CNTNAP4: variants seen among roughly 807,000 people sequenced by gnomAD.
CNTNAP4 encodes contactin associated protein family member 4.
Under a neutral mutation model 148.4 loss-of-function variants are expected in CNTNAP4, and 98 were observed. The ratio of observed to expected loss-of-function variants is 0.66; its 90% CI spans 0.56 to 0.78. The LOEUF (loss-of-function observed/expected upper bound fraction) is 0.78, where lower values mean the gene tolerates loss of function less well. CNTNAP4 is among the 30% of genes least tolerant of loss of function. The pLI, the probability that CNTNAP4 is intolerant of heterozygous loss-of-function variation, is 0.00. For synonymous variants in CNTNAP4, 730 were observed against 565.1 expected, an observed-to-expected ratio of 1.29 and a Z score of -4.14; for missense variants, 1,935 against 1,565.6, an observed-to-expected ratio of 1.24 and a Z score of -3.98.
chr16:76,445,215 T>G (rs1442042727), intron 4 of CNTNAP4, among the ~76,000 whole-genome samples: 1 of 152,184 alleles, frequency 6.6e-6, no homozygotes, highest in Non-Finnish European at 1.5e-5. Context: ...TTTCTAGACC[T>G]GAGAACTGAG....
At chr16:76,501,331 A>G (rs1473285509) in intron 15 of CNTNAP4, among the ~76,000 whole-genome samples, 2 of 152,230 alleles carry the variant, frequency 1.3e-5, no homozygotes, top group Middle Eastern at 3.4e-3. Flanking sequence ...TCTTGCTCTG[A>G]TCTTAACCCT....
intron 2 of CNTNAP4, among the ~76,000 whole-genome samples, chr16:76,337,484 T>C (rs1964115929): frequency 3.9e-5 from 6 of 152,074 alleles, no homozygotes; most frequent in African/African-American, 1.4e-4. Flanking sequence ...GGTGTACGAA[T>C]AGGGAGTAGG....
At chr16:76,376,438 G>A (rs1031542040) in intron 3 of CNTNAP4, among the ~76,000 whole-genome samples, 2 of 152,186 alleles carry the variant, frequency 1.3e-5, no homozygotes, top group Non-Finnish European at 2.9e-5. Flanking sequence ...GAAGAGACAT[G>A]TCTTCTTATT....
At chr16:76,511,586 C>G (rs1277116179) in intron 15 of CNTNAP4, among the ~76,000 whole-genome samples, 1 of 152,120 alleles carries the variant, frequency 6.6e-6, no homozygotes, top group Admixed American at 6.5e-5. Flanking sequence ...ACTTTGTTAG[C>G]TCCACTATGC....
chr16:76,520,874 A>G (rs551269031), intron 15 of CNTNAP4, among the ~76,000 whole-genome samples: 4 of 152,204 alleles, frequency 2.6e-5, no homozygotes, highest in Admixed American at 1.3e-4. Context: ...TTTGTTCCGT[A>G]TAAAATATAA....
chr16:76,475,973 T>A lies in CNTNAP4; in HGVS notation c.1690T>A (p.Cys564Ser). 1 of 1,613,802 alleles carries A rather than the reference T, an allele frequency of 6.2e-7. No homozygotes were observed. The highest frequency in any genetic ancestry group is 1.1e-5 in the South Asian group (1 of 91,064). Residue 564 changes from cysteine to serine, a missense_variant, in exon 11 of 24, where the codon TGT becomes AGT. Physicochemically the swap from Cys to Ser is moderately radical, Grantham distance 112 (BLOSUM62 -1). Transcript: ENST00000611870. The stretch of plus-strand genomic sequence containing the variant: ...CAACTATTGTGAACACGGTGGGGAG[T>A]GTTCCCAGTCCTGGAGCACCTTTCA... ...LPNYCEHGGE[C>S]SQSWSTFHCN...
At chr16:76,334,016 G>A (rs1220178130) in intron 2 of CNTNAP4, among the ~76,000 whole-genome samples, 1 of 151,528 alleles carries the variant, frequency 6.6e-6, no homozygotes, top group Non-Finnish European at 1.5e-5. Flanking sequence ...CAATGATGAT[G>A]AGCATTTTTT....
At chr16:76,464,962 A>G (rs181922255) in intron 9 of CNTNAP4, among the ~76,000 whole-genome samples, 3 of 152,272 alleles carry the variant, frequency 2.0e-5, no homozygotes, top group East Asian at 1.9e-4. Flanking sequence ...ACATTCCCCT[A>G]TGGAATCTTT....
intron 21 of CNTNAP4, among the ~76,000 whole-genome samples, chr16:76,550,537 A>AT (rs2084914999): frequency 6.6e-6 from 1 of 152,138 alleles, no homozygotes; most frequent in African/African-American, 2.4e-5. Flanking sequence ...AAAAGGGAAG[A>AT]TTTTTTAAAG....
chr16:76,538,456 C>G, intron 19 of CNTNAP4, 116 bp downstream of exon 19: 1 of 743,924 alleles, frequency 1.3e-6, no homozygotes, highest in Non-Finnish European at 2.2e-6. Flanking sequence ...TGGAGTGTGC[C>G]TGTTTTTTGT....
intron 21 of CNTNAP4, among the ~76,000 whole-genome samples, chr16:76,550,319 C>T (rs7200889): frequency 1.3e-5 from 2 of 152,090 alleles, no homozygotes; most frequent in East Asian, 1.9e-4. Context: ...CTCAAACATC[C>T]GGGCATTTGT....
chr16:76,521,251 C>T lies in CNTNAP4; in HGVS notation c.2477C>T (p.Ser826Leu), dbSNP rs1485969730. ...TCTTTCTTTTTTAAGACAACAGCTT[C>T]ATCTGGGGTATTTTTAGAGAACTTG... The part of the protein sequence containing the change: ...DVSFFFKTTA[S>L]SGVFLENLGI... The change falls in exon 16 of 24, where the codon TCA (serine) becomes TTA (leucine). Residue 826 changes from serine to leucine, a missense_variant. Physicochemically the swap from Ser to Leu is moderately radical, Grantham distance 145. Transcript: ENST00000611870. The T allele has an allele frequency of 2.5e-6, 4 of 1,612,704 alleles. No individual in the cohort carries two copies. The South Asian group carries it at 3.3e-5, about 13-fold the overall frequency.
intron 3 of CNTNAP4, among the ~76,000 whole-genome samples, chr16:76,382,855 G>C (rs1048147970): frequency 7.2e-5 from 11 of 152,056 alleles, no homozygotes; most frequent in African/African-American, 2.4e-4. Context: ...CTTTATACCA[G>C]AAAACAAGTA....
At chr16:76,286,439 C>G (rs994028770) in intron 1 of CNTNAP4, among the ~76,000 whole-genome samples, 1 of 151,960 alleles carries the variant, frequency 6.6e-6, no homozygotes, top group African/African-American at 2.4e-5. Flanking sequence ...TTTAAATTCA[C>G]CCAAACAGAG....
chr16:76,360,638 A>G (rs17678886), intron 3 of CNTNAP4, among the ~76,000 whole-genome samples: 3,859 of 152,336 alleles, frequency 0.025, 81 homozygotes, highest in Non-Finnish European at 0.038. Context: ...AAATGCCTAG[A>G]GAGTGCCTGC....
In CNTNAP4 at chr16:76,452,747, A is replaced by G. The variant is rs761749846; in HGVS notation, c.1311A>G (p.Lys437=). 25 of 1,596,804 alleles carry G rather than the reference A, an allele frequency of 1.6e-5. 1 individual carries two copies. In the South Asian group the frequency reaches 2.8e-4, roughly 18 times the overall value. The change falls in exon 8 of 24, where the codon AAA becomes AAG. Residue 437 remains lysine (K), a synonymous_variant. Coordinates refer to ENST00000611870, the MANE Select transcript of CNTNAP4 (RefSeq NM_033401.5). Reference sequence around the variant, plus strand: ...AGTCGAATCTCTACCAGCCAGGAAAATTACCCAGTGACATCACAGCAGGTA... The same window carrying G: ...AGTCGAATCTCTACCAGCCAGGAAAGTTACCCAGTGACATCACAGCAGGTA... ...KLKSNLYQPG[K]LPSDITAGVE...
intron 1 of CNTNAP4, among the ~76,000 whole-genome samples, chr16:76,314,899 T>C (rs1271190252): frequency 6.6e-6 from 1 of 152,186 alleles, no homozygotes; most frequent in Non-Finnish European, 1.5e-5. Context: ...TTTATAATTT[T>C]CATTTTTTTT....
At chr16:76,460,264 C>G (rs553410389) in intron 8 of CNTNAP4, among the ~76,000 whole-genome samples, 1 of 150,056 alleles carries the variant, frequency 6.7e-6, no homozygotes, top group Non-Finnish European at 1.5e-5. Flanking sequence ...TGTGCCATCA[C>G]GCCTGGCTAA....
intron 3 of CNTNAP4, among the ~76,000 whole-genome samples, chr16:76,416,105 C>G (rs2078972611): frequency 6.6e-6 from 1 of 151,076 alleles, no homozygotes; most frequent in African/African-American, 2.4e-5. Context: ...ATATTGGTGA[C>G]TTTGCTTTCA....
Sources: gnomAD v4.1 joint callset for allele counts (sites outside exome capture counted in the v4.1 genomes callset) on GRCh38, gnomAD v4.1.1 for gene constraint, MANE v1.5 for transcripts, NCBI Gene and HGNC (gene_info 2026-07-23, HGNC 2026-07-21) for gene names.